Variants in BRWD3 observed in about 807,000 individuals in gnomAD.
The protein encoded by BRWD3 is bromodomain and WD repeat domain containing 3.
In BRWD3, 10 loss-of-function variants were observed where a neutral mutation model predicts 149.7. The ratio of observed to expected loss-of-function variants is 0.07; its 90% confidence interval spans 0.04 to 0.11. BRWD3 has a LOEUF of 0.11. Among genes scored for constraint, BRWD3 ranks in the 10% least tolerant of loss-of-function variants. The pLI, the probability that BRWD3 is intolerant of heterozygous loss-of-function variation, is 1.00. For synonymous variants in BRWD3, 504 were observed against 456.7 expected, an observed-to-expected ratio of 1.10 and a Z score of -1.32; for missense variants, 940 against 1,373.2, an observed-to-expected ratio of 0.68 and a Z score of 4.99.
chrX:80,758,246 T>C (rs2073765806), intron 6 of BRWD3, among the ~76,000 whole-genome samples: 1 of 111,882 alleles, frequency 8.9e-6, no homozygotes, highest in Admixed American at 9.5e-5. Context: ...GAGGTCTCTG[T>C]CCTCGTGGAA....
At chrX:80,715,906 T>C (rs1004967495) in intron 20 of BRWD3, among the ~76,000 whole-genome samples, 1 of 111,908 alleles carries the variant, frequency 8.9e-6, no homozygotes, top group African/African-American at 3.2e-5. Flanking sequence ...CATATAAAAA[T>C]GGTTATTTTA....
intron 6 of BRWD3, among the ~76,000 whole-genome samples, chrX:80,767,006 C>G (rs2073867487): frequency 8.9e-6 from 1 of 112,612 alleles, no homozygotes; most frequent in Middle Eastern, 4.2e-3. Flanking sequence ...GCCTTGCTTA[C>G]TGGTAGCTCA....
intron 34 of BRWD3, 68 bp from the exon 35 acceptor site, chrX:80,687,071 C>T: frequency 1.0e-6 from 1 of 960,943 alleles, no homozygotes; most frequent in Non-Finnish European, 1.5e-6. Context: ...TCATAAGTCC[C>T]TAATGTTAAT....
At chrX:80,733,418 C>T (rs772031266) in intron 12 of BRWD3, 38 bp downstream of exon 12, 1 of 1,090,099 alleles carries the variant, frequency 9.2e-7, no homozygotes, top group Non-Finnish European at 1.3e-6. Flanking sequence ...TAAAATATAT[C>T]AAACATTTGT....
intron 5 of BRWD3, among the ~76,000 whole-genome samples, chrX:80,792,426 G>A (rs184963043): frequency 8.9e-5 from 10 of 112,144 alleles, no homozygotes; most frequent in African/African-American, 3.2e-4. Flanking sequence ...TAACAGCACT[G>A]CATATCAGAT....
chrX:80,689,664 A>G (rs1472287381), intron 33 of BRWD3, 104 bp downstream of exon 33: 1 of 723,350 alleles, frequency 1.4e-6, no homozygotes, highest in Admixed American at 2.7e-5. Flanking sequence ...AGATTTCAAA[A>G]ATCTGTTTTG....
At chrX:80,726,445 A>G (rs1274057031) in intron 14 of BRWD3, among the ~76,000 whole-genome samples, 5 of 110,939 alleles carry the variant, frequency 4.5e-5, no homozygotes, top group Non-Finnish European at 3.8e-5. Flanking sequence ...GTTTACAAAC[A>G]TCTGCTTTAA....
At chrX:80,737,356 A>T (rs910640013) in intron 8 of BRWD3, among the ~76,000 whole-genome samples, 3 of 112,033 alleles carry the variant, frequency 2.7e-5, no homozygotes, top group Non-Finnish European at 5.6e-5. Flanking sequence ...TGCTGTAGTA[A>T]TTTGTTGTTA....
chrX:80,738,373 T>C (rs1321632700), intron 8 of BRWD3, among the ~76,000 whole-genome samples: 1 of 111,520 alleles, frequency 9.0e-6, no homozygotes, highest in Non-Finnish European at 1.9e-5. Context: ...ACTTAGGAAA[T>C]GTGGAAAAAC....
At position 80,673,590 on chromosome X, in the gene BRWD3, T is replaced by C. The variant is rs2072340197; in HGVS notation, c.*3019A>G. The C allele has an allele frequency of 9.0e-6, 1 of 111,536 alleles. No individual in the cohort carries two copies. Among genetic ancestry groups the C allele is most frequent in the Non-Finnish European group, 1.9e-5 (1 of 53,011 alleles). The allele number at this position is 111,536 out of a possible 1,213,427, so 9.2% of individuals were successfully genotyped here. On this transcript the variant is annotated 3_prime_UTR_variant, in exon 41 of 41. Coordinates refer to ENST00000373275, the MANE Select transcript of BRWD3 (RefSeq NM_153252.5). The stretch of plus-strand genomic sequence containing the variant: ...AGTGAATGTTTTAGAGAGCATCCTA[T>C]TGCTGAAAGAGAAACACACAGTAAG...
At chrX:80,705,110 A>G (rs1197289224) in intron 22 of BRWD3, among the ~76,000 whole-genome samples, 1 of 110,968 alleles carries the variant, frequency 9.0e-6, no homozygotes, top group Admixed American at 9.6e-5. Flanking sequence ...TACTAAAAAT[A>G]CAAAAATTAG....
rs780795632 is a variant in BRWD3, at chrX:80,729,993, A to G, written c.1155T>C (p.Asp385=). 4 of 1,199,805 alleles carry G rather than the reference A, an allele frequency of 3.3e-6. No homozygotes were observed. The highest frequency in any genetic ancestry group is 3.5e-5 in the South Asian group (2 of 56,596). ...GATACTGCCAAATTCTTGCCGTTCCATCTCGACTTCCACTAACAAATCTTA... is the reference window on the plus strand; with the variant it reads ...GATACTGCCAAATTCTTGCCGTTCCGTCTCGACTTCCACTAACAAATCTTA... The part of the protein sequence containing the change: ...DSLRFVSGSR[D]GTARIWQYQQ... The change falls in exon 13 of 41, where the codon GAT becomes GAC. Residue 385 remains aspartate (D), a synonymous_variant. Transcript: ENST00000373275.
rs373848488 is a variant in BRWD3 at position 80,734,099 on chromosome X, G to A, written c.1086+19C>T. On this transcript the variant is annotated intron_variant, in intron 11 of 40. Transcript: ENST00000373275. ...AAGGATGTTCAAAAATAAAGCAACC[G>A]TTTCTGATTTTCTCTTACCGTATGT... 4.3e-5 allele frequency: 45 copies of A among 1,043,379 alleles called. No individual in the cohort carries two copies. Among genetic ancestry groups the A allele is most frequent in the Middle Eastern group, 2.5e-4 (1 of 3,986 alleles). 86.0% of individuals were successfully genotyped at this position (1,043,379 alleles called of 1,213,427 possible).
chrX:80,793,478 T>C (rs2074205335), intron 5 of BRWD3, 144 bp downstream of exon 5: 1 of 619,444 alleles, frequency 1.6e-6, no homozygotes, highest in Admixed American at 4.1e-5. Context: ...AAAATTTACT[T>C]GTACACTAAG....
At chrX:80,688,439 C>T (rs1443906428) in intron 33 of BRWD3, among the ~76,000 whole-genome samples, 4 of 111,503 alleles carry the variant, frequency 3.6e-5, no homozygotes, top group Non-Finnish European at 7.6e-5. Flanking sequence ...AAACCTTATT[C>T]TATATGACAT....
At chrX:80,808,620 AGGGGGAAG>A in intron 3 of BRWD3, 22 bp from the exon 4 acceptor site, 1 of 1,198,875 alleles carries the variant, frequency 8.3e-7, no homozygotes, top group Non-Finnish European at 1.1e-6. Context: ...ACGAAAAGAA[AGGGGGAAG>A]CGGAGGCAAA....
chrX:80,733,405 T>C (rs1177703262), intron 12 of BRWD3, 51 bp downstream of exon 12: 8 of 965,607 alleles, frequency 8.3e-6, no homozygotes, highest in Non-Finnish European at 1.2e-5. Flanking sequence ...GAGGGAATGG[T>C]AGTAAAATAT....
In BRWD3 at chrX:80,793,034, C is replaced by T. The variant is rs189338304; in HGVS notation, c.331+588G>A. On this transcript the variant is annotated intron_variant, in intron 5 of 40. Transcript: ENST00000373275. ...AAAATTAGCTGGGCGAGGTGGCACG[C>T]GCCTGTAGTCCCAGCTACTCAGGAG... Among the ~76,000 whole-genome samples, 32 of 107,094 alleles carry T rather than the reference C, an allele frequency of 3.0e-4. 1 individual carries two copies. In the East Asian group the frequency reaches 8.3e-3, roughly 28 times the overall value. The allele number at this position is 107,094 out of a possible 115,157, so 93.0% of individuals were successfully genotyped here.
intron 6 of BRWD3, among the ~76,000 whole-genome samples, chrX:80,756,519 A>AAAG (rs1414653923): frequency 9.3e-6 from 1 of 107,767 alleles, no homozygotes; most frequent in Admixed American, 1.0e-4. Context: ...AAAAAAAAAA[A>AAAG]AAAAAAGAAA....
Sources: gnomAD v4.1 joint callset for allele counts (sites outside exome capture counted in the v4.1 genomes callset) on GRCh38, gnomAD v4.1.1 for gene constraint, MANE v1.5 for transcripts, NCBI Gene and HGNC (gene_info 2026-07-23, HGNC 2026-07-21) for gene names.